Variants in FSD2 observed in about 807,000 individuals in gnomAD.
FSD2 encodes the protein fibronectin type III and SPRY domain containing 2, also known as fibronectin type III and SPRY domain-containing protein 2.
FSD2 carries 71 observed loss-of-function variants against 80.4 expected under a neutral mutation model. That is an observed-to-expected ratio of 0.88 (90% CI 0.73 to 1.08). The LOEUF (loss-of-function observed/expected upper bound fraction) is 1.08, where lower values mean the gene tolerates loss of function less well. FSD2 is among the 50% of genes least tolerant of loss of function. The probability of loss-of-function intolerance (pLI) is 0.00; values close to 1 mark genes in which losing one functional copy is unlikely to be tolerated. For synonymous variants in FSD2, 361 were observed against 329.5 expected, an observed-to-expected ratio of 1.10 and a Z score of -1.03; for missense variants, 923 against 913.8, an observed-to-expected ratio of 1.01 and a Z score of -0.13.
At position 82,760,305 on chromosome 15, in the gene FSD2, G is replaced by A. The variant is rs548716851; in HGVS notation, c.1998-705C>T. Among the ~76,000 whole-genome samples, 4 of 152,286 alleles carry A rather than the reference G, an allele frequency of 2.6e-5. No homozygotes were observed. The South Asian group carries it at 8.3e-4, about 32-fold the overall frequency. On this transcript the variant is annotated intron_variant, in intron 12 of 12. Coordinates refer to ENST00000334574, the MANE Select transcript of FSD2 (RefSeq NM_001007122.4). The stretch of plus-strand genomic sequence containing the variant: ...AGCTCTTCTATGCACAGTTACTCCA[G>A]TTCTTAAACTTTCATATTGAGTGGG...
At chr15:82,788,097 A>T (rs1441881082) in intron 1 of FSD2, among the ~76,000 whole-genome samples, 2 of 152,174 alleles carry the variant, frequency 1.3e-5, no homozygotes, top group Non-Finnish European at 2.9e-5. Flanking sequence ...ATTAATTGAA[A>T]AAGTGGCATC....
At chr15:82,801,616 A>T (rs2050414385) in intron 1 of FSD2, among the ~76,000 whole-genome samples, 1 of 152,200 alleles carries the variant, frequency 6.6e-6, no homozygotes, top group African/African-American at 2.4e-5. Flanking sequence ...GGTGACAAAG[A>T]TGCTGCTATC....
intron 11 of FSD2, 57 bp downstream of exon 11, chr15:82,765,109 T>A: frequency 6.5e-7 from 1 of 1,532,072 alleles, no homozygotes; most frequent in Non-Finnish European, 8.8e-7. Flanking sequence ...TTGACCTGAA[T>A]AACAGTGCAC....
At chr15:82,799,034 C>A (rs1828510) in intron 1 of FSD2, among the ~76,000 whole-genome samples, 1 of 151,610 alleles carries the variant, frequency 6.6e-6, no homozygotes, top group South Asian at 2.1e-4. Context: ...TGCACCACCA[C>A]GCCTGGCTAA....
intron 12 of FSD2, among the ~76,000 whole-genome samples, chr15:82,760,456 T>C (rs1308105993): frequency 6.6e-6 from 1 of 152,150 alleles, no homozygotes; most frequent in East Asian, 1.9e-4. Flanking sequence ...CCTACAGATA[T>C]TTGAAGAGCT....
rs552549903 is a variant in FSD2, at chr15:82,788,935, C to T, written c.-78-1467G>A. 3.0e-4 allele frequency among the ~76,000 whole-genome samples: 46 copies of T among 150,994 alleles called. 1 individual carries two copies. The highest frequency in any genetic ancestry group is 2.2e-3 in the Admixed American group (34 of 15,114). On this transcript the variant is annotated intron_variant, in intron 1 of 12. Coordinates refer to ENST00000334574, the MANE Select transcript of FSD2 (RefSeq NM_001007122.4). ...AGGCTGAGGCAGTGAGCCATGATTGCGCCAGTGTACTCCAGCCTGGGCGAC... is the reference window on the plus strand; with the variant it reads ...AGGCTGAGGCAGTGAGCCATGATTGTGCCAGTGTACTCCAGCCTGGGCGAC...
In FSD2 at chr15:82,786,743, C is replaced by T. The variant is rs1188639951; in HGVS notation, c.639+9G>A. The T allele has an allele frequency of 1.2e-6, 2 of 1,612,196 alleles. No homozygotes were observed. The highest frequency in any genetic ancestry group is 1.1e-5 in the South Asian group (1 of 90,944). ...TCAAGACAGAGAAGAACCAAGGACA[C>T]CTATTTACCTTGGCACTTTCCAGTG... is the stretch of plus-strand genomic sequence containing the variant. On this transcript the variant is annotated intron_variant, in intron 2 of 12. Transcript: ENST00000334574.
chr15:82,774,551 A>AGAGTT (rs1206216558), intron 6 of FSD2, among the ~76,000 whole-genome samples: 1 of 152,198 alleles, frequency 6.6e-6, no homozygotes, highest in African/African-American at 2.4e-5. Flanking sequence ...AGGAAGTGGC[A>AGAGTT]GAGTTGGGAT....
rs373960984 is a variant in FSD2, at chr15:82,782,425, A to AAAC, written c.966+367_966+369dup. ...AAAAAAACCAAACCAAAACAAAACA[A>AAAC]AACAACAACAACAAAAAACTGTTAG... On this transcript the variant is annotated intron_variant, in intron 4 of 12. Coordinates refer to ENST00000334574, the MANE Select transcript of FSD2 (RefSeq NM_001007122.4). Among the ~76,000 whole-genome samples the AAAC allele has an allele frequency of 2.8e-3, 426 of 152,280 alleles. 1 individual carries two copies. The highest frequency in any genetic ancestry group is 9.7e-3 in the African/African-American group (403 of 41,568).
At chr15:82,761,271 C>T (rs1444343598) in intron 12 of FSD2, among the ~76,000 whole-genome samples, 5 of 152,238 alleles carry the variant, frequency 3.3e-5, no homozygotes, top group African/African-American at 1.2e-4. Flanking sequence ...TCTTGTTTTT[C>T]AGTTTTTGAG....
intron 7 of FSD2, among the ~76,000 whole-genome samples, chr15:82,771,548 A>G (rs1020057788): frequency 1.3e-5 from 2 of 152,236 alleles, no homozygotes; most frequent in Non-Finnish European, 2.9e-5. Flanking sequence ...AGCTGCCCAG[A>G]GTGGAGGCCG....
chr15:82,792,949 T>C (rs2050185460), intron 1 of FSD2, among the ~76,000 whole-genome samples: 1 of 152,202 alleles, frequency 6.6e-6, no homozygotes, highest in African/African-American at 2.4e-5. Flanking sequence ...ATATGTCTCA[T>C]AGAATGAGTT....
At chr15:82,782,696 A>G (rs905582104) in intron 4 of FSD2, 99 bp downstream of exon 4, 1 of 988,260 alleles carries the variant, frequency 1.0e-6, no homozygotes, top group African/African-American at 1.6e-5. Flanking sequence ...CCAGGAGGAA[A>G]GAGGACAACC....
At chr15:82,773,324 C>CA (rs1434858981) in intron 6 of FSD2, among the ~76,000 whole-genome samples, 2 of 152,154 alleles carry the variant, frequency 1.3e-5, no homozygotes, top group African/African-American at 4.8e-5. Flanking sequence ...CGTAATGTGA[C>CA]AGAGGTGAGG....
rs751596635 is a variant in FSD2 at position 82,755,960 on chromosome 15, A to G, written c.*3388T>C. The G allele has an allele frequency of 5.8e-6, 3 of 516,268 alleles. No individual in the cohort carries two copies. The highest frequency in any genetic ancestry group is 2.8e-5 in the South Asian group (2 of 70,928). 32.0% of individuals were successfully genotyped at this position (516,268 alleles called of 1,614,324 possible). ...TTATGTTCTTCTGGAGACTAAGAAA[A>G]TAGAGTCCTTGAAATCAAGCTGACT... is the stretch of plus-strand genomic sequence containing the variant. On this transcript the variant is annotated 3_prime_UTR_variant, in exon 13 of 13. Coordinates refer to ENST00000334574, the MANE Select transcript of FSD2 (RefSeq NM_001007122.4).
chr15:82,765,223 C>G lies in FSD2; in HGVS notation c.1763G>C (p.Arg588Pro). ...CCTGGCGGGGGTTCTCCTTTCACTT[C>G]GTACAGCCGTAAGTCCGTCTTCAGA... The part of the protein sequence containing the change: ...TISEDGLTAV[R>P]SERRTPAREL... Residue 588 changes from arginine to proline, a missense_variant, in exon 11 of 13, where the codon CGA becomes CCA. Arg to Pro is a moderately radical substitution (Grantham distance 103). Coordinates refer to ENST00000334574, the MANE Select transcript of FSD2 (RefSeq NM_001007122.4). 1 of 1,610,762 alleles carries G rather than the reference C, an allele frequency of 6.2e-7. No homozygotes were observed. The highest frequency in any genetic ancestry group is 8.5e-7 in the Non-Finnish European group (1 of 1,178,334).
intron 1 of FSD2, among the ~76,000 whole-genome samples, chr15:82,805,296 A>T (rs971427705): frequency 6.6e-6 from 1 of 152,116 alleles, no homozygotes; most frequent in African/African-American, 2.4e-5. Context: ...AAACCTGTGA[A>T]TTCTCTTCCC....
rs758027026 is a variant in FSD2, at chr15:82,787,424, A to G, written c.-34T>C. 10 of 1,547,140 alleles carry G rather than the reference A, an allele frequency of 6.5e-6. No homozygotes were observed. Among genetic ancestry groups the G allele is most frequent in the Non-Finnish European group, 8.7e-6 (10 of 1,149,074 alleles). ...TGGAAGTCCTCAGAAGCACCTTTAT[A>G]TAAGAAAGATCCTTCCTGGACACTT... On this transcript the variant is annotated 5_prime_UTR_variant, in exon 2 of 13. Coordinates refer to ENST00000334574, the MANE Select transcript of FSD2 (RefSeq NM_001007122.4).
rs2050021486 is a variant in FSD2, at chr15:82,787,167, A to G, written c.224T>C (p.Val75Ala). 6.2e-7 allele frequency: 1 copy of G among 1,613,986 alleles called. No individual in the cohort carries two copies. Among genetic ancestry groups the G allele is most frequent in the Non-Finnish European group, 8.5e-7 (1 of 1,179,886 alleles). ...RDLQEEVDEL[V>A]HLYGLEDDHE... is the part of the protein sequence containing the mutation. The stretch of plus-strand genomic sequence containing the variant: ...ATCATCTTCAAGTCCATATAAGTGG[A>G]CAAGTTCATCCACTTCCTCTTGAAG... The change falls in exon 2 of 13, where the codon GTC becomes GCC. Residue 75 changes from valine to alanine, a missense_variant. Val to Ala is a moderately conservative substitution (Grantham distance 64, BLOSUM62 0). Coordinates refer to ENST00000334574, the MANE Select transcript of FSD2 (RefSeq NM_001007122.4).
Sources: allele counts gnomAD v4.1 joint callset (sites outside exome capture counted in the v4.1 genomes callset), GRCh38; gene constraint gnomAD v4.1.1; transcripts MANE v1.5; gene names NCBI Gene and HGNC (gene_info 2026-07-23, HGNC 2026-07-21).